OTUD5: variants seen among roughly 807,000 people sequenced by gnomAD.
OTUD5 encodes OTU deubiquitinase 5.
In OTUD5, 2 loss-of-function variants were observed where a neutral mutation model predicts 36.3. The observed-to-expected ratio is 0.06, with a 90% CI of 0.02 to 0.17. OTUD5 has a LOEUF of 0.17. OTUD5 is among the 10% of genes least tolerant of loss of function. OTUD5 has a pLI of 1.00. For missense variants in OTUD5, 233 were observed against 512.3 expected (o/e 0.45, Z 5.26); for synonymous variants, 234 against 214.9 (o/e 1.09, Z -0.78).
At chrX:48,924,109 A>C (rs2063626045) in intron 6 of OTUD5, 57 bp from the exon 7 acceptor site, 1 of 1,072,196 alleles carries the variant, frequency 9.3e-7, no homozygotes. Context: ...CCTTCTTGTG[A>C]CCCATCCCTG....
chrX:48,946,925 CTAAG>C (rs782022802), intron 1 of OTUD5, among the ~76,000 whole-genome samples: 2 of 112,568 alleles, frequency 1.8e-5, no homozygotes, highest in South Asian at 3.6e-4. Flanking sequence ...CAGGTAGCTA[CTAAG>C]TAAGATACTG....
intron 2 of OTUD5, among the ~76,000 whole-genome samples, 180 bp downstream of exon 2, chrX:48,944,010 G>A (rs1209272277): frequency 6.3e-5 from 7 of 111,479 alleles, no homozygotes; most frequent in African/African-American, 2.3e-4. Context: ...TATTAATCTT[G>A]CACCACTACA....
chrX:48,955,206 A>C (rs2064215452), intron 1 of OTUD5, among the ~76,000 whole-genome samples: 1 of 111,779 alleles, frequency 8.9e-6, no homozygotes. Context: ...AGGAAGTCTT[A>C]TGTCCCTAAA....
At chrX:48,947,547 T>C (rs1400434671) in intron 1 of OTUD5, among the ~76,000 whole-genome samples, 1 of 102,163 alleles carries the variant, frequency 9.8e-6, no homozygotes, top group Non-Finnish European at 2.0e-5. Flanking sequence ...TACTGAAAAA[T>C]ACAAAATTAG....
intron 1 of OTUD5, among the ~76,000 whole-genome samples, chrX:48,955,766 CTG>C (rs1328347779): frequency 9.0e-6 from 1 of 111,277 alleles, no homozygotes; most frequent in Non-Finnish European, 1.9e-5. Flanking sequence ...AAATGGGATA[CTG>C]TATCCCCAAG....
At chrX:48,954,821 T>C (rs1434830822) in intron 1 of OTUD5, among the ~76,000 whole-genome samples, 1 of 112,174 alleles carries the variant, frequency 8.9e-6, no homozygotes, top group Non-Finnish European at 1.9e-5. Flanking sequence ...TCGGAATCGC[T>C]CTTGGTTTCA....
intron 6 of OTUD5, 97 bp downstream of exon 6, chrX:48,925,750 G>T: frequency 1.5e-6 from 1 of 669,060 alleles, no homozygotes. Context: ...TTCCCTCCCA[G>T]ATGTCAAAAC....
intron 5 of OTUD5, among the ~76,000 whole-genome samples, chrX:48,932,700 T>C (rs1483574877): frequency 9.0e-6 from 1 of 111,047 alleles, no homozygotes; most frequent in Non-Finnish European, 1.9e-5. Flanking sequence ...TTCCAGCACT[T>C]TGGGAGGCCG....
chrX:48,940,206 A>G (rs1466122835), intron 2 of OTUD5: 1 of 113,980 alleles, frequency 8.8e-6, no homozygotes, highest in East Asian at 2.8e-4. Context: ...CCCACTGGAT[A>G]GTCTGGTTCC....
chrX:48,928,036 TTTGCCAATAGGCAA>T (rs782641959), intron 5 of OTUD5, among the ~76,000 whole-genome samples: 4 of 112,927 alleles, frequency 3.5e-5, no homozygotes, highest in African/African-American at 1.3e-4. Flanking sequence ...CTCAACAGCA[TTTGCCAATAGGCAA>T]CTGCAAGTTA....
At chrX:48,950,824 AG>A (rs1385778029) in intron 1 of OTUD5, among the ~76,000 whole-genome samples, 2 of 109,944 alleles carry the variant, frequency 1.8e-5, no homozygotes, top group African/African-American at 6.6e-5. Flanking sequence ...GGCCTCCCAA[AG>A]TGCTGGGATT....
intron 5 of OTUD5, among the ~76,000 whole-genome samples, chrX:48,931,027 G>C (rs782556498): frequency 1.8e-5 from 2 of 111,027 alleles, no homozygotes; most frequent in African/African-American, 6.5e-5. Context: ...TTAAGGATGA[G>C]TTAAGGATGA....
At chrX:48,953,819 G>A (rs372515242) in intron 1 of OTUD5, among the ~76,000 whole-genome samples, 1 of 111,187 alleles carries the variant, frequency 9.0e-6, no homozygotes, top group South Asian at 3.7e-4. Flanking sequence ...AGAGAATCAG[G>A]ACAAAGAGGA....
chrX:48,943,753 T>C (rs1416453286), intron 2 of OTUD5, among the ~76,000 whole-genome samples: 1 of 110,669 alleles, frequency 9.0e-6, no homozygotes, highest in Non-Finnish European at 1.9e-5. Context: ...CAGTATGCTA[T>C]GGTTAAGAGC....
chrX:48,933,263 A>T (rs782468460), intron 5 of OTUD5, among the ~76,000 whole-genome samples: 2 of 111,465 alleles, frequency 1.8e-5, no homozygotes, highest in East Asian at 5.6e-4. Context: ...CCTGGAACAG[A>T]TAAAGGTCAT....
intron 1 of OTUD5, among the ~76,000 whole-genome samples, chrX:48,953,057 G>A (rs1557054268): frequency 8.9e-6 from 1 of 111,963 alleles, no homozygotes; most frequent in Non-Finnish European, 1.9e-5. Flanking sequence ...GCAGCTGAGG[G>A]GGCAAGTAGT....
chrX:48,942,246 C>T (rs1005171990), intron 2 of OTUD5, among the ~76,000 whole-genome samples: 1 of 81,543 alleles, frequency 1.2e-5, no homozygotes, highest in African/African-American at 5.1e-5. Context: ...CACACACATA[C>T]ACACACACAC....
upstream of OTUD5, chrX:48,957,638 G>A: frequency 2.5e-6 from 2 of 789,757 alleles, no homozygotes; most frequent in Non-Finnish European, 3.1e-6. Context: ...CCGGATGAGG[G>A]GGCTAGTGTA....
At chrX:48,952,300 G>A (rs1180809460) in intron 1 of OTUD5, among the ~76,000 whole-genome samples, 11 of 112,069 alleles carry the variant, frequency 9.8e-5, no homozygotes, top group Non-Finnish European at 2.1e-4. Flanking sequence ...CCAGAGGCTG[G>A]AAAGGGATGA....
Sources: gnomAD v4.1 joint callset for allele counts (sites outside exome capture counted in the v4.1 genomes callset) on GRCh38, gnomAD v4.1.1 for gene constraint, MANE v1.5 for transcripts, NCBI Gene and HGNC (gene_info 2026-07-23, HGNC 2026-07-21) for gene names.